Variants in EFCAB5 observed in about 807,000 individuals in gnomAD.
EFCAB5 encodes EF-hand calcium binding domain 5, also known as EF-hand calcium-binding domain-containing protein 5.
EFCAB5 carries 131 observed loss-of-function variants against 167.9 expected under a neutral mutation model. The ratio of observed to expected loss-of-function variants is 0.78; its 90% CI spans 0.68 to 0.90. The LOEUF is 0.90. EFCAB5 is among the 40% of genes least tolerant of loss of function. EFCAB5 has a pLI of 0.00. For synonymous variants in EFCAB5, 574 were observed against 602.8 expected, an observed-to-expected ratio of 0.95 and a Z score of 0.70; for missense variants, 1,663 against 1,745.2, an observed-to-expected ratio of 0.95 and a Z score of 0.84.
At chr17:29,931,198 G>A (rs761787978) in intron 1 of EFCAB5, among the ~76,000 whole-genome samples, 2 of 152,198 alleles carry the variant, frequency 1.3e-5, no homozygotes, top group South Asian at 2.1e-4. Context: ...TTGAGTGGAT[G>A]AGCTGGTAAA....
intron 14 of EFCAB5, chr17:30,073,155 A>C: frequency 2.9e-6 from 2 of 699,240 alleles, no homozygotes; most frequent in Non-Finnish European, 5.2e-6. Flanking sequence ...TCCCGGACTC[A>C]AGCGATCATC....
intron 19 of EFCAB5, among the ~76,000 whole-genome samples, chr17:30,089,439 A>T (rs2071152534): frequency 6.6e-6 from 1 of 152,144 alleles, no homozygotes; most frequent in Admixed American, 6.5e-5. Flanking sequence ...CAAAGTACCA[A>T]TTTTTTACAA....
chr17:30,063,699 C>T (rs901482345), intron 14 of EFCAB5, among the ~76,000 whole-genome samples: 1 of 152,212 alleles, frequency 6.6e-6, no homozygotes, highest in Non-Finnish European at 1.5e-5. Flanking sequence ...CAACTGGAAC[C>T]CAGTGCCACT....
intron 3 of EFCAB5, among the ~76,000 whole-genome samples, chr17:29,967,690 C>A (rs2067859853): frequency 6.6e-6 from 1 of 152,126 alleles, no homozygotes; most frequent in African/African-American, 2.4e-5. Flanking sequence ...ATACACACAA[C>A]TTTTCCTGTC....
intron 3 of EFCAB5, among the ~76,000 whole-genome samples, chr17:29,948,260 T>A (rs2067443902): frequency 6.6e-6 from 1 of 152,216 alleles, no homozygotes; most frequent in Non-Finnish European, 1.5e-5. Context: ...ATGTATTCCA[T>A]CAGGTAATTT....
At chr17:29,992,131 C>T (rs982215757) in intron 4 of EFCAB5, among the ~76,000 whole-genome samples, 5 of 152,132 alleles carry the variant, frequency 3.3e-5, no homozygotes, top group African/African-American at 1.2e-4. Flanking sequence ...AATCATATCT[C>T]CATTTCCCCC....
intron 22 of EFCAB5, among the ~76,000 whole-genome samples, chr17:30,095,247 C>G (rs956463521): frequency 1.3e-5 from 2 of 152,176 alleles, no homozygotes; most frequent in African/African-American, 4.8e-5. Flanking sequence ...TCCCCTAAAT[C>G]CAAGTGTTTA....
intron 7 of EFCAB5, among the ~76,000 whole-genome samples, chr17:30,011,989 G>C (rs1422030139): frequency 6.6e-6 from 1 of 151,940 alleles, no homozygotes; most frequent in African/African-American, 2.4e-5. Context: ...CATAACCTAG[G>C]AAAAACCAGG....
chr17:30,036,273 AATT>A (rs1451663937), intron 8 of EFCAB5, among the ~76,000 whole-genome samples: 2 of 116,942 alleles, frequency 1.7e-5, no homozygotes, highest in East Asian at 4.3e-4. Flanking sequence ...TATAATATAT[AATT>A]ATATATAATA....
chr17:29,941,522 G>A (rs762486254), upstream of EFCAB5: 1 of 257,674 alleles, frequency 3.9e-6, no homozygotes, highest in Non-Finnish European at 7.3e-6. Flanking sequence ...AATGATAGTA[G>A]TAATGATTAC....
intron 4 of EFCAB5, among the ~76,000 whole-genome samples, chr17:29,991,842 C>A (rs1389777394): frequency 1.3e-5 from 2 of 152,266 alleles, no homozygotes; most frequent in African/African-American, 4.8e-5. Flanking sequence ...TTCAACCTTG[C>A]CTTTTCAGTA....
At chr17:29,986,795 C>T (rs1215910888) in intron 4 of EFCAB5, among the ~76,000 whole-genome samples, 1 of 151,634 alleles carries the variant, frequency 6.6e-6, no homozygotes, top group Non-Finnish European at 1.5e-5. Flanking sequence ...CTATAGGCAC[C>T]CGCCACCTCG....
intron 14 of EFCAB5, among the ~76,000 whole-genome samples, chr17:30,074,977 A>T (rs975085722): frequency 6.6e-6 from 1 of 152,112 alleles, no homozygotes; most frequent in South Asian, 2.1e-4. Context: ...ATGTAAATGT[A>T]TGTACACATT....
chr17:30,036,130 G>A (rs867939418), intron 8 of EFCAB5, among the ~76,000 whole-genome samples: 3 of 136,606 alleles, frequency 2.2e-5, no homozygotes, highest in African/African-American at 8.1e-5. Flanking sequence ...TATATATGAG[G>A]CACTCTATAT....
chr17:29,997,255 AAAAG>A (rs1288264142), intron 6 of EFCAB5, among the ~76,000 whole-genome samples: 4 of 151,866 alleles, frequency 2.6e-5, no homozygotes, highest in African/African-American at 4.8e-5. Flanking sequence ...AAAAAAAAAA[AAAAG>A]AAAGAAAGAA....
At chr17:30,096,236 C>A (rs2071284788) in intron 22 of EFCAB5, among the ~76,000 whole-genome samples, 3 of 152,180 alleles carry the variant, frequency 2.0e-5, no homozygotes. Flanking sequence ...TCAAACCAGC[C>A]ATTCTCTTTA....
At chr17:30,027,293 CTTTT>C (rs906468665) in intron 7 of EFCAB5, among the ~76,000 whole-genome samples, 4 of 67,360 alleles carry the variant, frequency 5.9e-5, no homozygotes, top group East Asian at 4.2e-4. Flanking sequence ...CCACACCAGT[CTTTT>C]TTTTTTTTTT....
intron 3 of EFCAB5, among the ~76,000 whole-genome samples, chr17:29,959,706 T>C (rs957234204): frequency 6.6e-6 from 1 of 152,134 alleles, no homozygotes; most frequent in Non-Finnish European, 1.5e-5. Context: ...GTATCCAAGT[T>C]GCAAGACAAA....
At chr17:30,075,523 C>T (rs1295713432) in intron 14 of EFCAB5, among the ~76,000 whole-genome samples, 1 of 152,126 alleles carries the variant, frequency 6.6e-6, no homozygotes, top group Non-Finnish European at 1.5e-5. Flanking sequence ...TTCTGACTTC[C>T]CAGGCCAGGC....
Sources: gnomAD v4.1 joint callset for allele counts (sites outside exome capture counted in the v4.1 genomes callset) on GRCh38, gnomAD v4.1.1 for gene constraint, MANE v1.5 for transcripts, NCBI Gene and HGNC (gene_info 2026-07-23, HGNC 2026-07-21) for gene names.